The following USP15 variants were observed in gnomAD, a reference collection of about 807,000 sequenced individuals.
The protein encoded by USP15 is ubiquitin carboxyl-terminal hydrolase 15.
Under a neutral mutation model 127.1 loss-of-function variants are expected in USP15, and 18 were observed. The ratio of observed to expected loss-of-function variants is 0.14; its 90% CI spans 0.10 to 0.21. USP15 has a LOEUF of 0.21. USP15 is among the 10% of genes least tolerant of loss of function. The pLI is 1.00. For missense variants in USP15, 805 were observed against 1,159.9 expected (o/e 0.69, Z 4.44); for synonymous variants, 364 against 393.7 (o/e 0.92, Z 0.89).
intron 2 of USP15, among the ~76,000 whole-genome samples, chr12:62,296,027 A>G (rs746974791): frequency 6.6e-6 from 1 of 152,230 alleles, no homozygotes; most frequent in African/African-American, 2.4e-5. Context: ...GAATTCAGAG[A>G]TGCATGAAAG....
intron 8 of USP15, among the ~76,000 whole-genome samples, chr12:62,361,064 T>C (rs1302027000): frequency 1.3e-5 from 2 of 152,076 alleles, no homozygotes; most frequent in Admixed American, 1.3e-4. Flanking sequence ...AGAATAGCCC[T>C]TCCTTTTTGA....
At position 62,314,899 on chromosome 12, in the gene USP15, G is replaced by A; in HGVS notation, c.458G>A (p.Ser153Asn). ...NMNNVVTRRF[S>N]KADTIDTIEK... The stretch of plus-strand genomic sequence containing the variant: ...AATAATGTTGTAACTCGAAGATTTA[G>A]CAAAGCTGACACAATAGGTAATGCA... Residue 153 changes from serine to asparagine, a missense_variant, in exon 4 of 22, where the codon AGC becomes AAC. This residue lies in a region of USP15 where 57 missense variants were observed against 47.3 expected (regional missense o/e 1.20). Coordinates refer to ENST00000280377, the MANE Select transcript of USP15 (RefSeq NM_001252078.2). The A allele has an allele frequency of 6.3e-7, 1 of 1,583,022 alleles. No individual in the cohort carries two copies. Among genetic ancestry groups the A allele is most frequent in the Non-Finnish European group, 8.6e-7 (1 of 1,164,762 alleles).
At position 62,348,372 on chromosome 12, in the gene USP15, C is replaced by T. The variant is rs554139553; in HGVS notation, c.684-849C>T. Among the ~76,000 whole-genome samples the T allele has an allele frequency of 2.6e-5, 4 of 152,252 alleles. No individual in the cohort carries two copies. The East Asian group carries it at 5.8e-4, about 22-fold the overall frequency. ...TAGATTATGCTTTTCTGCCTGTTGA[C>T]CATTTCATTGTTCGTTAGCATAATA... is the stretch of plus-strand genomic sequence containing the variant. On this transcript the variant is annotated intron_variant, in intron 6 of 21. Transcript: ENST00000280377.
At chr12:62,375,291 A>C (rs759253174) in intron 8 of USP15, among the ~76,000 whole-genome samples, 2 of 152,110 alleles carry the variant, frequency 1.3e-5, no homozygotes, top group African/African-American at 4.8e-5. Flanking sequence ...TTTAGGCATC[A>C]TTTGGACTTT....
intron 1 of USP15, among the ~76,000 whole-genome samples, chr12:62,266,358 A>G (rs1393218272): frequency 6.6e-6 from 1 of 152,170 alleles, no homozygotes; most frequent in Non-Finnish European, 1.5e-5. Flanking sequence ...TTGGACTTAA[A>G]TCCATATGAA....
intron 1 of USP15, among the ~76,000 whole-genome samples, chr12:62,281,117 T>C (rs1295452836): frequency 1.3e-5 from 2 of 152,202 alleles, no homozygotes; most frequent in African/African-American, 2.4e-5. Flanking sequence ...AGATTGAACA[T>C]TGGGAATTTT....
intron 2 of USP15, among the ~76,000 whole-genome samples, chr12:62,296,722 GAAC>G (rs143996170): frequency 0.077 from 11,741 of 152,208 alleles, 581 homozygotes; most frequent in Middle Eastern, 0.16. Flanking sequence ...CCAAAACTGA[GAAC>G]AACAACATTG....
intron 1 of USP15, among the ~76,000 whole-genome samples, chr12:62,270,871 A>G (rs1310668918): frequency 6.6e-6 from 1 of 151,968 alleles, no homozygotes; most frequent in African/African-American, 2.4e-5. Context: ...GTATTTCATT[A>G]CTCCGTATAA....
At chr12:62,389,107 AGAGT>A (rs4025989) in intron 11 of USP15, among the ~76,000 whole-genome samples, 107,647 of 151,580 alleles carry the variant, frequency 0.71, 38,463 homozygotes, top group Non-Finnish European at 0.75. Flanking sequence ...CCTGGGCAAC[AGAGT>A]GAGTGAGAGC....
At chr12:62,324,213 G>A (rs1280206688) in intron 5 of USP15, among the ~76,000 whole-genome samples, 1 of 151,886 alleles carries the variant, frequency 6.6e-6, no homozygotes, top group Non-Finnish European at 1.5e-5. Flanking sequence ...TGATGCACTT[G>A]AATAAAGGAC....
In USP15 at chr12:62,406,302, T is replaced by C. The variant is rs2067867626; in HGVS notation, c.*1927T>C. 1 of 152,196 alleles carries C rather than the reference T, an allele frequency of 6.6e-6. No individual in the cohort carries two copies. The highest frequency in any genetic ancestry group is 2.1e-4 in the South Asian group (1 of 4,838). 9.4% of individuals were successfully genotyped at this position (152,196 alleles called of 1,614,324 possible). On this transcript the variant is annotated 3_prime_UTR_variant, in exon 22 of 22. Coordinates refer to ENST00000280377, the MANE Select transcript of USP15 (RefSeq NM_001252078.2). ...TGATTTTTGTCCACTTTAATATTTA[T>C]TCATTAAACATATGTTTGTGTACCA...
chr12:62,260,606 C>A, intron 1 of USP15, 103 bp downstream of exon 1: 1 of 1,120,008 alleles, frequency 8.9e-7, no homozygotes, highest in Non-Finnish European at 1.3e-6. Context: ...GCGGGCAGGT[C>A]CGGCGGCGGC....
intron 10 of USP15, 28 bp from the exon 11 acceptor site, chr12:62,384,046 CTCTT>C: frequency 3.1e-6 from 5 of 1,609,786 alleles, no homozygotes; most frequent in Non-Finnish European, 3.4e-6. Context: ...TTTGTGATAC[CTCTT>C]TCTAATTTGT....
chr12:62,303,852 T>G (rs899508736), intron 3 of USP15, among the ~76,000 whole-genome samples: 3 of 152,176 alleles, frequency 2.0e-5, no homozygotes, highest in African/African-American at 4.8e-5. Context: ...ATTCCTTAGT[T>G]TCACTCAGCC....
intron 19 of USP15, among the ~76,000 whole-genome samples, chr12:62,394,806 G>C (rs144319805): frequency 6.6e-6 from 1 of 150,584 alleles, no homozygotes; most frequent in Non-Finnish European, 1.5e-5. Context: ...CTGAGATCGC[G>C]CCACTGCACT....
intron 1 of USP15, among the ~76,000 whole-genome samples, chr12:62,288,344 C>CTTTTTT (rs34110065): frequency 3.8e-4 from 43 of 114,430 alleles, no homozygotes; most frequent in Non-Finnish European, 5.2e-4. Context: ...TGGCATTTTA[C>CTTTTTT]TTTTTTTTTT....
At chr12:62,355,825 CTTTTTT>C (rs201572809) in intron 8 of USP15, among the ~76,000 whole-genome samples, 1 of 124,404 alleles carries the variant, frequency 8.0e-6, no homozygotes, top group Admixed American at 8.2e-5. Flanking sequence ...CTTTTTTTTT[CTTTTTT>C]TTTTTTTTTT....
intron 6 of USP15, among the ~76,000 whole-genome samples, chr12:62,344,396 C>T (rs1301207552): frequency 6.6e-6 from 1 of 152,300 alleles, no homozygotes; most frequent in Non-Finnish European, 1.5e-5. Context: ...ATCTGGGTCA[C>T]GCTGGCACAA....
At chr12:62,390,837 CTTGT>C (rs762541272) in intron 14 of USP15, 23 bp from the exon 15 acceptor site, 1 of 1,542,820 alleles carries the variant, frequency 6.5e-7, no homozygotes, top group Non-Finnish European at 8.9e-7. Context: ...TAGTACTGAA[CTTGT>C]TTGATTTTTG....
Sources: allele counts gnomAD v4.1 joint callset (sites outside exome capture counted in the v4.1 genomes callset), GRCh38; gene constraint gnomAD v4.1.1; regional missense constraint gnomAD v4.1.1; transcripts MANE v1.5; gene names NCBI Gene and HGNC (gene_info 2026-07-23, HGNC 2026-07-21).